Variants in FHIP1A observed in about 807,000 individuals in gnomAD.
FHIP1A encodes FHF complex subunit HOOK-interacting protein 1A.
FHIP1A carries 61 observed loss-of-function variants against 88.6 expected under a neutral mutation model. That is an observed-to-expected ratio of 0.69 (90% confidence interval 0.56 to 0.85). The LOEUF (loss-of-function observed/expected upper bound fraction) is 0.85, where lower values mean the gene tolerates loss of function less well. Among genes scored for constraint, FHIP1A ranks in the 40% least tolerant of loss-of-function variants. The pLI is 0.00. For missense variants in FHIP1A, 1,154 were observed against 1,273.5 expected (o/e 0.91, Z 1.43); for synonymous variants, 478 against 496.0 (o/e 0.96, Z 0.48).
At chr4:151,438,514 C>G (rs1394193402) in intron 1 of FHIP1A, among the ~76,000 whole-genome samples, 1 of 145,500 alleles carries the variant, frequency 6.9e-6, no homozygotes, top group Admixed American at 6.9e-5. Context: ...AACTAAAAAA[C>G]AAAAAAACAA....
chr4:151,542,784 C>G (rs1732345607), intron 3 of FHIP1A, among the ~76,000 whole-genome samples: 1 of 152,174 alleles, frequency 6.6e-6, no homozygotes. Flanking sequence ...CAGCATGGCA[C>G]CATGGTTAAG....
intron 7 of FHIP1A, among the ~76,000 whole-genome samples, chr4:151,593,251 T>A (rs1282039064): frequency 6.6e-6 from 1 of 152,230 alleles, no homozygotes; most frequent in Non-Finnish European, 1.5e-5. Flanking sequence ...AACAAGCTCT[T>A]TTTTGGTTCC....
chr4:151,598,318 G>A lies in FHIP1A; in HGVS notation c.978+9392G>A, dbSNP rs2126824528. On this transcript the variant is annotated intron_variant, in intron 7 of 13. Coordinates refer to ENST00000435205, the MANE Select transcript of FHIP1A (RefSeq NM_001109977.3). ...CCCGACTCCTCGAGCTTCCCAGTGAGGCAATGCCCCACCCTGCTTTGGCTT... is the reference window on the plus strand; with the variant it reads ...CCCGACTCCTCGAGCTTCCCAGTGAAGCAATGCCCCACCCTGCTTTGGCTT... Among the ~76,000 whole-genome samples the A allele has an allele frequency of 2.0e-5, 3 of 152,274 alleles. No individual in the cohort carries two copies. The East Asian group carries it at 5.8e-4, about 29-fold the overall frequency.
At position 151,491,280 on chromosome 4, in the gene FHIP1A, T is replaced by C. The variant is rs143520496; in HGVS notation, c.-123+8632T>C. Reference sequence around the variant, plus strand: ...ACCTATAAAGGAAAACCTATCAGATTAACAGCAGATTTCTCAGCAGAAACC... The same window carrying C: ...ACCTATAAAGGAAAACCTATCAGATCAACAGCAGATTTCTCAGCAGAAACC... On this transcript the variant is annotated intron_variant, in intron 3 of 13. Transcript: ENST00000435205. 2.6e-3 allele frequency among the ~76,000 whole-genome samples: 400 copies of C among 152,254 alleles called. 1 individual carries two copies. Among genetic ancestry groups the C allele is most frequent in the African/African-American group, 9.2e-3 (383 of 41,554 alleles).
chr4:151,615,783 T>C (rs961556471), intron 7 of FHIP1A, among the ~76,000 whole-genome samples: 3 of 152,178 alleles, frequency 2.0e-5, no homozygotes, highest in African/African-American at 7.2e-5. Context: ...ATGTAAACAG[T>C]GTGGACAGGG....
At chr4:151,478,790 A>G (rs1327778514) in intron 2 of FHIP1A, among the ~76,000 whole-genome samples, 1 of 152,042 alleles carries the variant, frequency 6.6e-6, no homozygotes, top group Non-Finnish European at 1.5e-5. Flanking sequence ...TAAAAAAAAC[A>G]CCTTATGAGT....
intron 4 of FHIP1A, among the ~76,000 whole-genome samples, chr4:151,572,742 G>T (rs1256309706): frequency 3.3e-5 from 5 of 152,142 alleles, no homozygotes; most frequent in Non-Finnish European, 7.3e-5. Context: ...TTACACATAT[G>T]ACTTTCTTAA....
chr4:151,527,125 G>A (rs541456058), intron 3 of FHIP1A, among the ~76,000 whole-genome samples: 3,136 of 152,156 alleles, frequency 0.021, 107 homozygotes, highest in African/African-American at 0.07. Context: ...ACGGGGTGGC[G>A]GCCGGGCAGA....
At chr4:151,570,884 A>G (rs1223019988) in intron 4 of FHIP1A, among the ~76,000 whole-genome samples, 2 of 152,240 alleles carry the variant, frequency 1.3e-5, no homozygotes, top group South Asian at 2.1e-4. Flanking sequence ...TGGACTTGGC[A>G]TTAAATGATC....
intron 9 of FHIP1A, among the ~76,000 whole-genome samples, chr4:151,645,699 A>G (rs1736767217): frequency 6.6e-6 from 1 of 151,314 alleles, no homozygotes; most frequent in Non-Finnish European, 1.5e-5. Context: ...TCTTTATCCC[A>G]TTTGCTCCAT....
At chr4:151,429,845 T>G (rs916400576) in intron 1 of FHIP1A, among the ~76,000 whole-genome samples, 2 of 84,416 alleles carry the variant, frequency 2.4e-5, no homozygotes, top group East Asian at 3.0e-4. Flanking sequence ...TGAGACTCTA[T>G]CTCAAAAAAA....
At chr4:151,491,426 T>G (rs1364295310) in intron 3 of FHIP1A, among the ~76,000 whole-genome samples, 1 of 152,152 alleles carries the variant, frequency 6.6e-6, no homozygotes, top group Non-Finnish European at 1.5e-5. Context: ...AAACTCTTTT[T>G]CAGACAAATG....
At chr4:151,509,963 T>G (rs1730970180) in intron 3 of FHIP1A, among the ~76,000 whole-genome samples, 1 of 152,206 alleles carries the variant, frequency 6.6e-6, no homozygotes, top group South Asian at 2.1e-4. Flanking sequence ...CTTTAAAACA[T>G]GGCAGGTCCT....
intron 7 of FHIP1A, among the ~76,000 whole-genome samples, chr4:151,619,588 T>C (rs1400635035): frequency 6.6e-6 from 1 of 152,246 alleles, no homozygotes; most frequent in African/African-American, 2.4e-5. Context: ...AGATTACTTG[T>C]TACTTGATGT....
intron 8 of FHIP1A, among the ~76,000 whole-genome samples, chr4:151,632,332 T>C (rs1225475792): frequency 1.3e-5 from 2 of 151,814 alleles, no homozygotes; most frequent in African/African-American, 2.4e-5. Context: ...TCCCCAAATA[T>C]ATGAAACAAA....
chr4:151,620,786 A>C (rs1735709833), intron 7 of FHIP1A, among the ~76,000 whole-genome samples: 1 of 149,874 alleles, frequency 6.7e-6, no homozygotes, highest in African/African-American at 2.5e-5. Flanking sequence ...CAACAAGTGC[A>C]TGAGGGAGAT....
At position 151,646,574 on chromosome 4, in the gene FHIP1A, A is replaced by G; in HGVS notation, c.1243A>G (p.Asn415Asp). ...QLVLRYLIPC[N>D]HMMLSQRWAV... ...TCATTCTAGGTATCTGATCCCCTGC[A>G]ATCACATGATGCTGAGTCAGAGGTG... The change falls in exon 10 of 14, where the codon AAT (asparagine) becomes GAT (aspartate). Residue 415 changes from asparagine to aspartate, a missense_variant. Asn to Asp is a conservative substitution (Grantham distance 23, BLOSUM62 1). Coordinates refer to ENST00000435205, the MANE Select transcript of FHIP1A (RefSeq NM_001109977.3). The G allele has an allele frequency of 6.4e-7, 1 of 1,551,334 alleles. No individual in the cohort carries two copies. Among genetic ancestry groups the G allele is most frequent in the Non-Finnish European group, 8.7e-7 (1 of 1,146,716 alleles).
chr4:151,464,116 C>G (rs1729226738), intron 2 of FHIP1A, among the ~76,000 whole-genome samples: 1 of 152,158 alleles, frequency 6.6e-6, no homozygotes, highest in Non-Finnish European at 1.5e-5. Flanking sequence ...AACTCCCACT[C>G]CTGGGCTCCA....
chr4:151,490,590 C>G (rs1180697406), intron 3 of FHIP1A, among the ~76,000 whole-genome samples: 2 of 152,070 alleles, frequency 1.3e-5, no homozygotes, highest in African/African-American at 4.8e-5. Context: ...GGTAATATGA[C>G]AGAATGTGAT....
Sources: allele counts gnomAD v4.1 joint callset (sites outside exome capture counted in the v4.1 genomes callset), GRCh38; gene constraint gnomAD v4.1.1; transcripts MANE v1.5; gene names NCBI Gene and HGNC (gene_info 2026-07-23, HGNC 2026-07-21).